Variants in GPC5 observed in about 807,000 individuals in gnomAD.
GPC5 encodes glypican-5.
In GPC5, 47 loss-of-function variants were observed where a neutral mutation model predicts 53.9. The observed-to-expected ratio is 0.87, with a 90% confidence interval of 0.69 to 1.11. GPC5 has a LOEUF of 1.11. Among genes scored for constraint, GPC5 ranks in the 50% most tolerant of loss-of-function variants. The pLI, the probability that GPC5 is intolerant of heterozygous loss-of-function variation, is 0.00. For missense variants in GPC5, 748 were observed against 713.1 expected (o/e 1.05, Z -0.56); for synonymous variants, 286 against 263.3 (o/e 1.09, Z -0.84).
chr13:91,402,154 A>T (rs1462968538), intron 1 of GPC5, among the ~76,000 whole-genome samples: 1 of 152,214 alleles, frequency 6.6e-6, no homozygotes, highest in Non-Finnish European at 1.5e-5. Flanking sequence ...GGGGAAGTTC[A>T]TAAAAAATAA....
chr13:91,859,399 C>T (rs1397494365), intron 5 of GPC5, among the ~76,000 whole-genome samples: 1 of 151,738 alleles, frequency 6.6e-6, no homozygotes, highest in South Asian at 2.1e-4. Flanking sequence ...CTTTGTGGAA[C>T]TTCTAAGGAT....
At chr13:91,414,348 T>C (rs1878028052) in intron 1 of GPC5, among the ~76,000 whole-genome samples, 1 of 152,254 alleles carries the variant, frequency 6.6e-6, no homozygotes. Context: ...CCTTCCGCAA[T>C]GATTGCAAGT....
At chr13:92,800,987 C>A (rs933218729) in intron 7 of GPC5, among the ~76,000 whole-genome samples, 1 of 150,966 alleles carries the variant, frequency 6.6e-6, no homozygotes, top group African/African-American at 2.4e-5. Flanking sequence ...TTACGAAATT[C>A]TCCCTAATTA....
At chr13:92,459,735 TATCTC>T (rs1288778090) in intron 7 of GPC5, among the ~76,000 whole-genome samples, 8 of 152,340 alleles carry the variant, frequency 5.3e-5, no homozygotes, top group African/African-American at 1.9e-4. Context: ...GCATACATCT[TATCTC>T]ATTACTTTTG....
At chr13:91,731,321 A>G (rs2036691877) in intron 4 of GPC5, among the ~76,000 whole-genome samples, 1 of 152,168 alleles carries the variant, frequency 6.6e-6, no homozygotes, top group Non-Finnish European at 1.5e-5. Flanking sequence ...CAGACCAGCC[A>G]AATAGGCGAG....
At chr13:92,696,150 A>G (rs1191423197) in intron 7 of GPC5, among the ~76,000 whole-genome samples, 1 of 152,214 alleles carries the variant, frequency 6.6e-6, no homozygotes, top group Non-Finnish European at 1.5e-5. Flanking sequence ...CAGTGCCACA[A>G]TTAACATACG....
chr13:92,233,704 A>T (rs986737540), intron 7 of GPC5, among the ~76,000 whole-genome samples: 1 of 152,144 alleles, frequency 6.6e-6, no homozygotes, highest in African/African-American at 2.4e-5. Context: ...CATGTGCACA[A>T]CGTGCAGATG....
chr13:92,052,052 G>A lies in GPC5; in HGVS notation c.1402-92778G>A, dbSNP rs72635432. Reference sequence around the variant, plus strand: ...AGGGCTTGTGCCACATTCATTCTTGGGAACACTAAAACAGAATGTGTATTA... The same window carrying A: ...AGGGCTTGTGCCACATTCATTCTTGAGAACACTAAAACAGAATGTGTATTA... On this transcript the variant is annotated intron_variant, in intron 6 of 7. Coordinates refer to ENST00000377067, the MANE Select transcript of GPC5 (RefSeq NM_004466.6). 3.9e-3 allele frequency among the ~76,000 whole-genome samples: 594 copies of A among 152,232 alleles called. 1 individual carries two copies. Among genetic ancestry groups the A allele is most frequent in the Middle Eastern group, 0.01 (3 of 294 alleles).
intron 2 of GPC5, among the ~76,000 whole-genome samples, chr13:91,690,728 G>C (rs944194829): frequency 5.9e-5 from 9 of 152,126 alleles, no homozygotes; most frequent in African/African-American, 2.2e-4. Flanking sequence ...ACATCATTTA[G>C]AGTTGGCAGA....
At chr13:92,448,858 ATGGTAT>A (rs1877939027) in intron 7 of GPC5, 1 of 150,226 alleles carries the variant, frequency 6.7e-6, no homozygotes, top group Non-Finnish European at 1.5e-5. Context: ...TTCCTGCTTA[ATGGTAT>A]AAGAGAAATT....
At chr13:92,408,155 T>G (rs1051823100) in intron 7 of GPC5, among the ~76,000 whole-genome samples, 1 of 152,174 alleles carries the variant, frequency 6.6e-6, no homozygotes, top group Non-Finnish European at 1.5e-5. Context: ...CAAACCCTAC[T>G]GTGAACTGCC....
chr13:92,859,139 C>T (rs548572577), intron 7 of GPC5, among the ~76,000 whole-genome samples: 2 of 152,182 alleles, frequency 1.3e-5, no homozygotes, highest in Admixed American at 1.3e-4. Context: ...GCCCCAGCTT[C>T]TTGAGAGGCT....
At chr13:92,455,979 T>C (rs1478600651) in intron 7 of GPC5, among the ~76,000 whole-genome samples, 2 of 152,214 alleles carry the variant, frequency 1.3e-5, no homozygotes, top group African/African-American at 4.8e-5. Flanking sequence ...CAAAAAGACC[T>C]TTCTCAAATA....
intron 7 of GPC5, among the ~76,000 whole-genome samples, chr13:92,270,975 C>T (rs2042835688): frequency 6.6e-6 from 1 of 152,144 alleles, no homozygotes; most frequent in Admixed American, 6.5e-5. Context: ...TGCTCAAGCA[C>T]ACTACCTTTA....
intron 7 of GPC5, among the ~76,000 whole-genome samples, chr13:92,381,387 A>C (rs2043737690): frequency 6.6e-6 from 1 of 152,164 alleles, no homozygotes; most frequent in Non-Finnish European, 1.5e-5. Context: ...GAAAGGTCTG[A>C]TTTGCATTTC....
At chr13:92,149,593 T>C (rs2041892737) in intron 7 of GPC5, among the ~76,000 whole-genome samples, 2 of 151,994 alleles carry the variant, frequency 1.3e-5, no homozygotes. Context: ...GGAAAGAGAA[T>C]AGTATATTCT....
chr13:92,209,842 T>A (rs2042362604), intron 7 of GPC5, among the ~76,000 whole-genome samples: 2 of 152,068 alleles, frequency 1.3e-5, no homozygotes, highest in African/African-American at 4.8e-5. Context: ...ACTCACACGA[T>A]TACAAGGTGA....
chr13:91,662,309 G>A (rs1370948433), intron 2 of GPC5, among the ~76,000 whole-genome samples: 1 of 152,182 alleles, frequency 6.6e-6, no homozygotes, highest in Non-Finnish European at 1.5e-5. Flanking sequence ...GCCAAATGTT[G>A]CTGACATGTC....
intron 7 of GPC5, among the ~76,000 whole-genome samples, chr13:92,814,184 C>T (rs1877386313): frequency 6.6e-6 from 1 of 151,896 alleles, no homozygotes; most frequent in African/African-American, 2.4e-5. Flanking sequence ...AAACTTTAAT[C>T]CATACCTTGA....
Sources: gnomAD v4.1 joint callset for allele counts (sites outside exome capture counted in the v4.1 genomes callset) on GRCh38, gnomAD v4.1.1 for gene constraint, MANE v1.5 for transcripts, NCBI Gene and HGNC (gene_info 2026-07-23, HGNC 2026-07-21) for gene names.